FAM110B: variants seen among roughly 807,000 people sequenced by gnomAD.
FAM110B encodes protein FAM110B.
A neutral mutation model predicts 20.4 loss-of-function variants in FAM110B; 6 were observed. The observed-to-expected ratio is 0.29, with a 90% CI of 0.16 to 0.58. The LOEUF is 0.58. Ranked by LOEUF, FAM110B falls within the 20% of genes least tolerant of loss-of-function variation. FAM110B has a pLI of 0.90. For synonymous variants in FAM110B, 226 were observed against 214.1 expected (o/e 1.06, Z -0.49); for missense variants, 434 against 498.2 (o/e 0.87, Z 1.23).
At chr8:58,126,510 A>G (rs1354485080) in intron 3 of FAM110B, among the ~76,000 whole-genome samples, 1 of 152,138 alleles carries the variant, frequency 6.6e-6, no homozygotes, top group Non-Finnish European at 1.5e-5. Flanking sequence ...TTACATTCCT[A>G]CTATCAAGGC....
At chr8:58,079,012 C>A (rs1392336434) in intron 3 of FAM110B, among the ~76,000 whole-genome samples, 1 of 152,066 alleles carries the variant, frequency 6.6e-6, no homozygotes, top group African/African-American at 2.4e-5. Context: ...TTTCCTAAAG[C>A]TGGTCCTCCA....
At chr8:58,060,604 C>T (rs59747145) in intron 2 of FAM110B, among the ~76,000 whole-genome samples, 28 of 152,196 alleles carry the variant, frequency 1.8e-4, no homozygotes, top group African/African-American at 5.8e-4. Context: ...TCTTCCCCAG[C>T]AGCACATAGC....
intron 3 of FAM110B, among the ~76,000 whole-genome samples, chr8:58,100,149 C>T (rs1806741341): frequency 6.6e-6 from 1 of 151,966 alleles, no homozygotes; most frequent in Non-Finnish European, 1.5e-5. Flanking sequence ...CTCTGGTCTC[C>T]TGGTTCTGTG....
chr8:58,016,559 T>G (rs1332049499), intron 1 of FAM110B, among the ~76,000 whole-genome samples: 3 of 152,216 alleles, frequency 2.0e-5, no homozygotes, highest in African/African-American at 2.4e-5. Flanking sequence ...CGCTGCTTGG[T>G]TGCAGGTCAA....
chr8:58,069,323 T>TA (rs1018046583), intron 2 of FAM110B, among the ~76,000 whole-genome samples: 2 of 152,230 alleles, frequency 1.3e-5, no homozygotes, highest in Admixed American at 6.5e-5. Flanking sequence ...GCTAAGCACT[T>TA]ACAGCTCATT....
At chr8:58,098,239 G>T (rs935601181) in intron 3 of FAM110B, among the ~76,000 whole-genome samples, 2 of 152,236 alleles carry the variant, frequency 1.3e-5, no homozygotes, top group African/African-American at 4.8e-5. Context: ...GAGATGCCCT[G>T]CCCAGAGAGG....
At chr8:58,104,995 CCTT>C (rs1490160751) in intron 3 of FAM110B, among the ~76,000 whole-genome samples, 6 of 149,572 alleles carry the variant, frequency 4.0e-5, no homozygotes, top group Non-Finnish European at 7.4e-5. Flanking sequence ...TTTTCCATTG[CCTT>C]CTTTTTTTTT....
intron 1 of FAM110B, among the ~76,000 whole-genome samples, chr8:58,003,491 ATC>A (rs1804342016): frequency 6.6e-6 from 1 of 152,360 alleles, no homozygotes; most frequent in East Asian, 1.9e-4. Context: ...AGCAATCAGT[ATC>A]TATGGCAGCT....
Position 58,146,978 on chromosome 8 carries a change from G to A in FAM110B, c.748G>A (p.Val250Ile), listed in dbSNP as rs995106560. ...CGACCCTGTGGAACCAGCTTGTGGA[G>A]TCAGCCGAAGACCCTCCCTCCAGCG... The part of the protein sequence containing the change: ...EADPVEPACG[V>I]SRRPSLQRSK... Residue 250 changes from valine (V) to isoleucine (I), a missense_variant, in exon 4 of 4, where the codon GTC (valine) becomes ATC (isoleucine). Physicochemically the swap from Val to Ile is conservative, Grantham distance 29. Around this residue, in one of 3 missense-constraint regions of FAM110B, gnomAD observed 284 missense variants for 278.3 expected, o/e 1.02. Transcript: ENST00000519262. 6.2e-7 allele frequency: 1 copy of A among 1,614,242 alleles called. No individual in the cohort carries two copies. The highest frequency in any genetic ancestry group is 8.5e-7 in the Non-Finnish European group (1 of 1,180,056).
At chr8:58,038,180 C>T (rs1805127841) in intron 2 of FAM110B, among the ~76,000 whole-genome samples, 1 of 152,140 alleles carries the variant, frequency 6.6e-6, no homozygotes, top group African/African-American at 2.4e-5. Flanking sequence ...GCATGGTAGC[C>T]TCTTTTCACT....
At chr8:58,060,664 A>T (rs1354476332) in intron 2 of FAM110B, among the ~76,000 whole-genome samples, 1 of 152,228 alleles carries the variant, frequency 6.6e-6, no homozygotes, top group East Asian at 1.9e-4. Context: ...AAGTAAAATG[A>T]CAGGGAAGAA....
chr8:58,076,736 A>G (rs368259485), intron 3 of FAM110B, among the ~76,000 whole-genome samples: 4 of 152,162 alleles, frequency 2.6e-5, no homozygotes, highest in East Asian at 3.9e-4. Context: ...CATTTCCACC[A>G]TGAGTTGAAG....
chr8:58,126,902 C>G (rs1202728346), intron 3 of FAM110B, among the ~76,000 whole-genome samples: 1 of 152,090 alleles, frequency 6.6e-6, no homozygotes, highest in Non-Finnish European at 1.5e-5. Flanking sequence ...TTTTGTAATT[C>G]TAATCAGTCA....
intron 3 of FAM110B, among the ~76,000 whole-genome samples, chr8:58,121,077 A>T (rs1329707366): frequency 6.6e-6 from 1 of 152,212 alleles, no homozygotes; most frequent in African/African-American, 2.4e-5. Flanking sequence ...GGAGACAGAC[A>T]ATAAATGTAG....
In FAM110B at chr8:58,097,315, T is replaced by G. The variant is rs543505657; in HGVS notation, c.-325+21692T>G. On this transcript the variant is annotated intron_variant, in intron 3 of 3. Transcript: ENST00000519262. ...GTTAAACATCAGTCTCTGATATCCT[T>G]TATTCTGTTTGATTGATTTGGCTAT... Among the ~76,000 whole-genome samples, 67 of 152,344 alleles carry G rather than the reference T, an allele frequency of 4.4e-4. 1 individual carries two copies. The South Asian group carries it at 0.011, about 25-fold the overall frequency.
chr8:58,115,198 T>C (rs1481248730), intron 3 of FAM110B, among the ~76,000 whole-genome samples: 1 of 152,074 alleles, frequency 6.6e-6, no homozygotes, highest in Non-Finnish European at 1.5e-5. Flanking sequence ...CAATTTTCCT[T>C]TTCTTTAGAA....
At chr8:57,998,802 C>T (rs912988805) in intron 1 of FAM110B, among the ~76,000 whole-genome samples, 3 of 152,158 alleles carry the variant, frequency 2.0e-5, no homozygotes, top group Admixed American at 6.5e-5. Flanking sequence ...TAAGGCTTCT[C>T]CACTGTTGCA....
rs146649036 is a variant in FAM110B at position 58,117,035 on chromosome 8, G to A, written c.-324-28872G>A. On this transcript the variant is annotated intron_variant, in intron 3 of 3. Coordinates refer to ENST00000519262, the MANE Select transcript of FAM110B (RefSeq NM_001377989.1). Reference sequence around the variant, plus strand: ...AAGGTGAGTGCATATCTCAGGATCTGACAGGATGGCTGAAAGCAAAGAGCC... The same window carrying A: ...AAGGTGAGTGCATATCTCAGGATCTAACAGGATGGCTGAAAGCAAAGAGCC... Among the ~76,000 whole-genome samples the A allele has an allele frequency of 3.4e-3, 517 of 152,294 alleles. 4 individuals carry two copies. The highest frequency in any genetic ancestry group is 0.012 in the African/African-American group (496 of 41,546).
At chr8:58,131,446 A>G (rs889349652) in intron 3 of FAM110B, among the ~76,000 whole-genome samples, 1 of 152,108 alleles carries the variant, frequency 6.6e-6, no homozygotes, top group African/African-American at 2.4e-5. Context: ...TTTACCATTG[A>G]AAAATAAATA....
Sources: gnomAD v4.1 joint callset for allele counts (sites outside exome capture counted in the v4.1 genomes callset) on GRCh38, gnomAD v4.1.1 for gene constraint, gnomAD v4.1.1 regional missense constraint, MANE v1.5 for transcripts, NCBI Gene and HGNC (gene_info 2026-07-23, HGNC 2026-07-21) for gene names.